CAPRIN2: variants seen among roughly 807,000 people sequenced by gnomAD.
CAPRIN2 encodes caprin-2.
In CAPRIN2, 66 loss-of-function variants were observed where a neutral mutation model predicts 130.4. That is an observed-to-expected ratio of 0.51 (90% CI 0.42 to 0.62). CAPRIN2 has a LOEUF of 0.62. Ranked by LOEUF, CAPRIN2 falls within the 20% of genes least tolerant of loss-of-function variation. The pLI is 0.00. For synonymous variants in CAPRIN2, 471 were observed against 444.1 expected, an observed-to-expected ratio of 1.06 and a Z score of -0.76; for missense variants, 1,185 against 1,246.6, an observed-to-expected ratio of 0.95 and a Z score of 0.74.
intron 8 of CAPRIN2, among the ~76,000 whole-genome samples, chr12:30,726,890 A>G (rs915027155): frequency 6.6e-6 from 1 of 152,172 alleles, no homozygotes; most frequent in Non-Finnish European, 1.5e-5. Context: ...ACTTGACTGT[A>G]CTTAGTCAAT....
At chr12:30,749,727 C>T (rs2072750491) in intron 2 of CAPRIN2, among the ~76,000 whole-genome samples, 1 of 152,176 alleles carries the variant, frequency 6.6e-6, no homozygotes, top group African/African-American at 2.4e-5. Context: ...GGATAGGCAA[C>T]TGGACACAGA....
intron 16 of CAPRIN2, 103 bp downstream of exon 18, chr12:30,711,463 A>G (rs1000563719): frequency 8.8e-6 from 8 of 908,148 alleles, no homozygotes; most frequent in Non-Finnish European, 1.3e-5. Flanking sequence ...TCAACAAGAT[A>G]AATGCTAAAA....
At chr12:30,732,361 C>T (rs2063018733) in intron 5 of CAPRIN2, among the ~76,000 whole-genome samples, 1 of 151,774 alleles carries the variant, frequency 6.6e-6, no homozygotes. Flanking sequence ...GTCTATTATT[C>T]CTTTCATAGG....
upstream of CAPRIN2, chr12:30,754,585 G>T: frequency 6.6e-6 from 1 of 152,388 alleles, no homozygotes; most frequent in Non-Finnish European, 1.5e-5. Context: ...AGGCTGACCT[G>T]CGGAAAACGC....
At chr12:30,743,345 A>T (rs1312410638) in intron 2 of CAPRIN2, among the ~76,000 whole-genome samples, 1 of 151,988 alleles carries the variant, frequency 6.6e-6, no homozygotes. Flanking sequence ...ACAAATTCAA[A>T]TGTGTTTTCA....
intron 2 of CAPRIN2, among the ~76,000 whole-genome samples, chr12:30,749,461 T>G (rs2072543531): frequency 6.6e-6 from 1 of 152,158 alleles, no homozygotes; most frequent in African/African-American, 2.4e-5. Flanking sequence ...CAGAAGTAAT[T>G]ACTACTATAA....
intron 2 of CAPRIN2, among the ~76,000 whole-genome samples, chr12:30,749,490 G>A (rs1407350751): frequency 6.6e-6 from 1 of 152,204 alleles, no homozygotes; most frequent in Non-Finnish European, 1.5e-5. Context: ...GCAGATGAAA[G>A]GTTATATAGC....
intron 12 of CAPRIN2, chr12:30,719,787 T>C (rs1202339144): frequency 6.6e-6 from 1 of 152,180 alleles, no homozygotes; most frequent in Non-Finnish European, 1.5e-5. Flanking sequence ...AACTAGATTG[T>C]GAAGCAGACA....
At chr12:30,752,421 G>C (rs1161032414) in intron 1 of CAPRIN2, among the ~76,000 whole-genome samples, 1 of 152,056 alleles carries the variant, frequency 6.6e-6, no homozygotes, top group Non-Finnish European at 1.5e-5. Context: ...AATAGATCCT[G>C]CTTTGATCAT....
chr12:30,725,854 G>T, intron 9 of CAPRIN2, 112 bp downstream of exon 10: 1 of 869,724 alleles, frequency 1.1e-6, no homozygotes. Context: ...AGAGCTAGGA[G>T]GCAGCAGAGC....
At chr12:30,724,749 G>A (rs2060397272) in intron 9 of CAPRIN2, among the ~76,000 whole-genome samples, 1 of 152,268 alleles carries the variant, frequency 6.6e-6, no homozygotes, top group South Asian at 2.1e-4. Context: ...CCAGCACTCT[G>A]GGAGGCTGAG....
intron 6 of CAPRIN2, among the ~76,000 whole-genome samples, 179 bp downstream of exon 7, chr12:30,731,164 A>C (rs940659599): frequency 6.6e-6 from 1 of 152,160 alleles, no homozygotes; most frequent in African/African-American, 2.4e-5. Flanking sequence ...CACTCGGTAA[A>C]TCATGGTGAT....
At chr12:30,736,012 G>A (rs2064586873) in intron 3 of CAPRIN2, among the ~76,000 whole-genome samples, 2 of 151,982 alleles carry the variant, frequency 1.3e-5, no homozygotes, top group South Asian at 4.2e-4. Context: ...ATGGTGGTGT[G>A]TGTCTGTAGT....
chr12:30,741,854 T>A (rs2067622861), intron 2 of CAPRIN2, among the ~76,000 whole-genome samples: 1 of 152,100 alleles, frequency 6.6e-6, no homozygotes. Context: ...TGTATATAAA[T>A]GTATACAGCA....
chr12:30,738,811 A>T (rs1037653959), intron 3 of CAPRIN2, among the ~76,000 whole-genome samples: 107 of 152,258 alleles, frequency 7.0e-4, no homozygotes, highest in Non-Finnish European at 1.4e-3. Context: ...AAAGCTCAAC[A>T]TCACTGATCA....
chr12:30,722,941 A>G (rs1330257850), intron 11 of CAPRIN2, among the ~76,000 whole-genome samples: 1 of 152,128 alleles, frequency 6.6e-6, no homozygotes, highest in Non-Finnish European at 1.5e-5. Flanking sequence ...TTCTTTCTTC[A>G]GACACTTTAC....
chr12:30,748,206 G>A (rs1260698891), intron 2 of CAPRIN2, among the ~76,000 whole-genome samples: 1 of 152,130 alleles, frequency 6.6e-6, no homozygotes, highest in African/African-American at 2.4e-5. Context: ...TCCTACTGTG[G>A]GTAAAATCCT....
chr12:30,733,222 T>C (rs1182582381), intron 5 of CAPRIN2, among the ~76,000 whole-genome samples: 1 of 152,144 alleles, frequency 6.6e-6, no homozygotes, highest in Non-Finnish European at 1.5e-5. Flanking sequence ...AACGTTTCAA[T>C]AGACTATAAA....
In CAPRIN2 at chr12:30,710,655, T is replaced by C; in HGVS notation, c.2666-185A>G. 1.1e-6 allele frequency: 1 copy of C among 879,298 alleles called. No homozygotes were observed. The highest frequency in any genetic ancestry group is 1.9e-5 in the South Asian group (1 of 53,186). The allele number at this position is 879,298 out of a possible 1,614,324, so 54.5% of individuals were successfully genotyped here. On this transcript the variant is annotated intron_variant, in intron 16 of 16. Transcript: ENST00000298892. The surrounding 1 kb of genome is among the most constrained non-coding windows in gnomAD (Gnocchi z 4.8). Reference sequence around the variant, plus strand: ...GGTAATAGGTTTTTACATACTCTTCTAAAGCCAGAAAGGTCCAAGATAATC... The same window carrying C: ...GGTAATAGGTTTTTACATACTCTTCCAAAGCCAGAAAGGTCCAAGATAATC...
Sources: allele counts gnomAD v4.1 joint callset (sites outside exome capture counted in the v4.1 genomes callset), GRCh38; gene constraint gnomAD v4.1.1; non-coding constraint Gnocchi (gnomAD v3.1); transcripts MANE v1.5; gene names NCBI Gene and HGNC (gene_info 2026-07-23, HGNC 2026-07-21).